MYO3B: variants seen among roughly 807,000 people sequenced by gnomAD.
MYO3B encodes the protein myosin-IIIb.
In MYO3B, 156 loss-of-function variants were observed where a neutral mutation model predicts 174.6. That is an observed-to-expected ratio of 0.89 (90% CI 0.78 to 1.02). The LOEUF is 1.02. MYO3B is among the 50% of genes least tolerant of loss of function. MYO3B has a pLI of 0.00. For missense variants in MYO3B, 1,632 were observed against 1,639.4 expected (o/e 1.00, Z 0.08); for synonymous variants, 563 against 569.1 (o/e 0.99, Z 0.15).
intron 7 of MYO3B, among the ~76,000 whole-genome samples, chr2:170,246,849 T>C (rs1259575183): frequency 6.6e-6 from 1 of 152,028 alleles, no homozygotes; most frequent in Non-Finnish European, 1.5e-5. Flanking sequence ...TGGTTAGGGA[T>C]GGGACAATGC....
intron 32 of MYO3B, among the ~76,000 whole-genome samples, chr2:170,572,105 G>C (rs1692472176): frequency 6.6e-6 from 1 of 152,068 alleles, no homozygotes; most frequent in Non-Finnish European, 1.5e-5. Context: ...TTGAGCTCAG[G>C]AGTTCAAGAC....
intron 14 of MYO3B, among the ~76,000 whole-genome samples, chr2:170,390,561 C>T (rs777717201): frequency 3.9e-5 from 6 of 152,090 alleles, no homozygotes; most frequent in Admixed American, 3.9e-4. Flanking sequence ...GATGAGGAGA[C>T]CCAGGAGAGG....
At chr2:170,598,993 T>G (rs1009799269) in intron 32 of MYO3B, among the ~76,000 whole-genome samples, 5 of 152,234 alleles carry the variant, frequency 3.3e-5, no homozygotes, top group African/African-American at 1.2e-4. Flanking sequence ...TTAAATTCAA[T>G]GCACATTTAA....
Position 170,459,709 on chromosome 2 carries a change from G to A in MYO3B, c.2731-3659G>A, listed in dbSNP as rs183879812. ...TGCCCGTCGAGGAGGCTCAAGGCTC[G>A]GGCCGCATGGGAACCCACTGGGGGT... is the stretch of plus-strand genomic sequence containing the variant. On this transcript the variant is annotated intron_variant, in intron 23 of 34. Coordinates refer to ENST00000408978, the MANE Select transcript of MYO3B (RefSeq NM_138995.5). Among the ~76,000 whole-genome samples the A allele has an allele frequency of 4.3e-3, 651 of 152,258 alleles. 4 individuals carry two copies. The highest frequency in any genetic ancestry group is 0.015 in the African/African-American group (633 of 41,556).
At chr2:170,292,972 A>G (rs1010916841) in intron 7 of MYO3B, among the ~76,000 whole-genome samples, 1 of 151,948 alleles carries the variant, frequency 6.6e-6, no homozygotes, top group African/African-American at 2.4e-5. Context: ...TCAATCTCAC[A>G]TTTTTCCAGT....
intron 25 of MYO3B, among the ~76,000 whole-genome samples, chr2:170,489,752 G>A (rs1455441640): frequency 4.0e-5 from 6 of 151,628 alleles, no homozygotes; most frequent in South Asian, 2.1e-4. Context: ...TTTCTTCCTC[G>A]TCACGGGACT....
At chr2:170,329,421 G>A (rs985200202) in intron 7 of MYO3B, among the ~76,000 whole-genome samples, 2 of 150,832 alleles carry the variant, frequency 1.3e-5, no homozygotes, top group Non-Finnish European at 3.0e-5. Flanking sequence ...TTTCTCTGTC[G>A]CCAGGCTGGA....
chr2:170,485,414 CACACACAG>C (rs753361942), intron 25 of MYO3B, among the ~76,000 whole-genome samples: 2,519 of 140,028 alleles, frequency 0.018, 26 homozygotes, highest in Non-Finnish European at 0.029. Context: ...CACACACACA[CACACACAG>C]AGAGAGAGAG....
chr2:170,649,751 T>A (rs544895953), intron 32 of MYO3B, among the ~76,000 whole-genome samples: 38 of 141,974 alleles, frequency 2.7e-4, no homozygotes, highest in African/African-American at 9.4e-4. Flanking sequence ...AGCTTGAACC[T>A]GGGAGGTAGA....
chr2:170,442,497 C>CT (rs34632756), intron 22 of MYO3B, among the ~76,000 whole-genome samples: 8,742 of 136,812 alleles, frequency 0.064, 325 homozygotes, highest in Non-Finnish European at 0.084. Flanking sequence ...AGGAGGTGTT[C>CT]TTTTTTTTTT....
chr2:170,401,464 C>T lies in MYO3B; in HGVS notation c.1919-17C>T, dbSNP rs1574920129. On this transcript the variant is annotated splice_polypyrimidine_tract_variant and intron_variant, in intron 17 of 34. Transcript: ENST00000408978. The stretch of plus-strand genomic sequence containing the variant: ...AGGTCTGGCTACATTCTGTGTTATC[C>T]TTACTCTTTGTTTCAGCTGCCTCTG... 1 of 1,611,814 alleles carries T rather than the reference C, an allele frequency of 6.2e-7. No individual in the cohort carries two copies. Among genetic ancestry groups the T allele is most frequent in the Non-Finnish European group, 8.5e-7 (1 of 1,178,048 alleles).
intron 32 of MYO3B, among the ~76,000 whole-genome samples, chr2:170,550,196 C>G (rs1024149999): frequency 6.6e-6 from 1 of 152,144 alleles, no homozygotes; most frequent in Non-Finnish European, 1.5e-5. Flanking sequence ...AAACCCTCAC[C>G]AGTAAAACTT....
At chr2:170,234,627 G>A (rs987945900) in intron 6 of MYO3B, among the ~76,000 whole-genome samples, 3 of 152,130 alleles carry the variant, frequency 2.0e-5, no homozygotes, top group South Asian at 2.1e-4. Flanking sequence ...TCTCCATTTC[G>A]AAGTGTCCCA....
chr2:170,375,788 A>T (rs1199760939), intron 9 of MYO3B, among the ~76,000 whole-genome samples: 1 of 151,914 alleles, frequency 6.6e-6, no homozygotes, highest in African/African-American at 2.4e-5. Flanking sequence ...TTGGGTTCTT[A>T]TGTAAATAAG....
In MYO3B at chr2:170,491,108, T is replaced by C. The variant is rs369451775; in HGVS notation, c.3015-7484T>C. 6.6e-5 allele frequency among the ~76,000 whole-genome samples: 10 copies of C among 152,182 alleles called. No individual in the cohort carries two copies. In the South Asian group the frequency reaches 2.1e-3, roughly 31 times the overall value. The stretch of plus-strand genomic sequence containing the variant: ...TTTATTCTGCTTACTCTGGGTTTAA[T>C]TTGCTCTTCTTTTTCTATTTCTTAT... On this transcript the variant is annotated intron_variant, in intron 25 of 34. Transcript: ENST00000408978.
At chr2:170,493,571 T>A (rs1439860415) in intron 25 of MYO3B, among the ~76,000 whole-genome samples, 1 of 152,194 alleles carries the variant, frequency 6.6e-6, no homozygotes, top group Non-Finnish European at 1.5e-5. Flanking sequence ...AACATACGTC[T>A]ACAAATTATT....
At chr2:170,639,134 C>G (rs1575318510) in intron 32 of MYO3B, among the ~76,000 whole-genome samples, 1 of 152,186 alleles carries the variant, frequency 6.6e-6, no homozygotes, top group East Asian at 1.9e-4. Context: ...AAATGTCGTT[C>G]CAATCTTCAA....
intron 7 of MYO3B, among the ~76,000 whole-genome samples, chr2:170,308,753 T>C (rs2105463422): frequency 6.6e-6 from 1 of 152,318 alleles, no homozygotes; most frequent in African/African-American, 2.4e-5. Context: ...CCTTTCCCTG[T>C]TGGACTCTCA....
intron 8 of MYO3B, among the ~76,000 whole-genome samples, chr2:170,345,465 T>C (rs1430435675): frequency 6.6e-6 from 1 of 152,128 alleles, no homozygotes; most frequent in Non-Finnish European, 1.5e-5. Flanking sequence ...GGTTAGTGAA[T>C]GGAGGGGGAA....
Sources: allele counts gnomAD v4.1 joint callset (sites outside exome capture counted in the v4.1 genomes callset), GRCh38; gene constraint gnomAD v4.1.1; transcripts MANE v1.5; gene names NCBI Gene and HGNC (gene_info 2026-07-23, HGNC 2026-07-21).